RAB3GAP2: variants seen among roughly 807,000 people sequenced by gnomAD.
RAB3GAP2 encodes the protein RAB3 GTPase activating non-catalytic protein subunit 2, also known as rab3 GTPase-activating protein non-catalytic subunit.
A neutral mutation model predicts 185.3 loss-of-function variants in RAB3GAP2; 87 were observed. That is an observed-to-expected ratio of 0.47 (90% CI 0.39 to 0.56). The LOEUF (loss-of-function observed/expected upper bound fraction) is 0.56. Ranked by LOEUF, RAB3GAP2 falls within the 20% of genes least tolerant of loss-of-function variation. RAB3GAP2 has a pLI of 0.00. For synonymous variants in RAB3GAP2, 554 were observed against 576.1 expected (o/e 0.96, Z 0.55); for missense variants, 1,492 against 1,638.2 (o/e 0.91, Z 1.54).
At chr1:220,243,952 C>A (rs577573068) in intron 1 of RAB3GAP2, among the ~76,000 whole-genome samples, 1 of 152,306 alleles carries the variant, frequency 6.6e-6, no homozygotes, top group Admixed American at 6.5e-5. Flanking sequence ...GACAAACCCA[C>A]AGCCAACATC....
At position 220,195,175 on chromosome 1, in the gene RAB3GAP2, G is replaced by T; in HGVS notation, c.1041-8C>A. Reference sequence around the variant, plus strand: ...TTCCAACCAAGCCAACCACTGAAAAGAAAGAAAACTTAGAATATAAAACTG... The same window carrying T: ...TTCCAACCAAGCCAACCACTGAAAATAAAGAAAACTTAGAATATAAAACTG... On this transcript the variant is annotated splice_region_variant and splice_polypyrimidine_tract_variant and intron_variant, in intron 11 of 34. Transcript: ENST00000358951. The T allele has an allele frequency of 6.2e-7, 1 of 1,613,918 alleles. No individual in the cohort carries two copies. Among genetic ancestry groups the T allele is most frequent in the Non-Finnish European group, 8.5e-7 (1 of 1,179,854 alleles).
chr1:220,259,859 CAG>C (rs1660102062), intron 1 of RAB3GAP2, among the ~76,000 whole-genome samples: 1 of 152,052 alleles, frequency 6.6e-6, no homozygotes, highest in African/African-American at 2.4e-5. Flanking sequence ...TCTAATTATC[CAG>C]AGTCTACAAG....
chr1:220,174,828 A>C (rs1245957105), intron 21 of RAB3GAP2, among the ~76,000 whole-genome samples: 2 of 152,120 alleles, frequency 1.3e-5, no homozygotes, highest in African/African-American at 4.8e-5. Context: ...CAACAATGGG[A>C]TCATAATTAC....
chr1:220,212,277 A>C, intron 4 of RAB3GAP2, among the ~76,000 whole-genome samples: 1 of 152,208 alleles, frequency 6.6e-6, no homozygotes, highest in East Asian at 1.9e-4. Flanking sequence ...TCAATGAATA[A>C]AATTAGTAAT....
intron 12 of RAB3GAP2, 22 bp downstream of exon 12, chr1:220,195,056 T>A (rs1186173441): frequency 6.2e-7 from 1 of 1,608,628 alleles, no homozygotes; most frequent in Non-Finnish European, 8.5e-7. Flanking sequence ...GGACTAAAAT[T>A]TGGGAAGCAT....
At chr1:220,171,155 G>T in intron 23 of RAB3GAP2, 35 bp from the exon 24 acceptor site, 1 of 1,573,780 alleles carries the variant, frequency 6.4e-7, no homozygotes, top group Non-Finnish European at 8.7e-7. Flanking sequence ...CTTTGCCAAA[G>T]ATTCTGAATC....
chr1:220,247,966 AAG>A (rs1659850337), intron 1 of RAB3GAP2, among the ~76,000 whole-genome samples: 1 of 152,044 alleles, frequency 6.6e-6, no homozygotes, highest in African/African-American at 2.4e-5. Context: ...AGACTTGATA[AAG>A]AGAAGTAAAT....
At chr1:220,263,300 T>C (rs1660174185) in intron 1 of RAB3GAP2, among the ~76,000 whole-genome samples, 1 of 152,110 alleles carries the variant, frequency 6.6e-6, no homozygotes, top group Admixed American at 6.5e-5. Flanking sequence ...TTTTTAAGCT[T>C]AGTGTAGCCC....
At position 220,189,981 on chromosome 1, in the gene RAB3GAP2, T is replaced by C. The variant is rs984110768; in HGVS notation, c.1714+83A>G. On this transcript the variant is annotated intron_variant, in intron 16 of 34. Coordinates refer to ENST00000358951, the MANE Select transcript of RAB3GAP2 (RefSeq NM_012414.4). ...CCAATAAGCTCATCCATGCATTATT[T>C]TGATTGCTCCATTCAGAATATTTTA... 1.9e-5 allele frequency: 23 copies of C among 1,242,648 alleles called. No homozygotes were observed. The Admixed American group carries it at 3.6e-4, about 20-fold the overall frequency. 77.0% of individuals were successfully genotyped at this position (1,242,648 alleles called of 1,614,324 possible).
chr1:220,171,265 G>T, intron 23 of RAB3GAP2, 145 bp from the exon 24 acceptor site: 3 of 791,482 alleles, frequency 3.8e-6, no homozygotes, highest in South Asian at 1.5e-5. Flanking sequence ...TTACTACTTG[G>T]CTGGATGAAA....
intron 22 of RAB3GAP2, among the ~76,000 whole-genome samples, chr1:220,172,358 A>G (rs1213757095): frequency 6.6e-6 from 1 of 152,214 alleles, no homozygotes; most frequent in Non-Finnish European, 1.5e-5. Flanking sequence ...CAAGAAAAAC[A>G]TTGCCTTCCC....
At chr1:220,200,191 C>A (rs1351231121) in intron 9 of RAB3GAP2, among the ~76,000 whole-genome samples, 1 of 152,164 alleles carries the variant, frequency 6.6e-6, no homozygotes, top group Non-Finnish European at 1.5e-5. Flanking sequence ...TGCTCCTCTA[C>A]CTAGAATGCT....
intron 1 of RAB3GAP2, among the ~76,000 whole-genome samples, chr1:220,240,140 T>C (rs2102895805): frequency 6.6e-6 from 1 of 152,286 alleles, no homozygotes; most frequent in East Asian, 1.9e-4. Flanking sequence ...TAAAAATAGA[T>C]GATGAGAATG....
intron 4 of RAB3GAP2, chr1:220,211,272 G>A: frequency 1.7e-6 from 1 of 602,010 alleles, no homozygotes; most frequent in Non-Finnish European, 3.1e-6. Context: ...AGTACAGAAA[G>A]CAAAACTTTA....
chr1:220,251,411 G>A (rs1247906094), intron 1 of RAB3GAP2, among the ~76,000 whole-genome samples: 1 of 152,034 alleles, frequency 6.6e-6, no homozygotes, highest in Non-Finnish European at 1.5e-5. Flanking sequence ...TATAAACACA[G>A]GATATGATAA....
rs542199448 is a variant in RAB3GAP2 at position 220,204,395 on chromosome 1, T to C, written c.712+1512A>G. 3.9e-5 allele frequency among the ~76,000 whole-genome samples: 6 copies of C among 152,288 alleles called. No homozygotes were observed. The South Asian group carries it at 1.0e-3, about 26-fold the overall frequency. On this transcript the variant is annotated intron_variant, in intron 8 of 34. Transcript: ENST00000358951. The stretch of plus-strand genomic sequence containing the variant: ...ATTTAAAATACTCATCATTAATCTA[T>C]ATATCAAAAGGCAATTTTCCGTAGG...
intron 17 of RAB3GAP2, 51 bp downstream of exon 17, chr1:220,189,652 A>G (rs765686655): frequency 1.4e-6 from 2 of 1,474,840 alleles, no homozygotes; most frequent in East Asian, 2.4e-5. Context: ...TTTCTTAAGA[A>G]GGATGTATTA....
chr1:220,151,339 A>C lies in RAB3GAP2; in HGVS notation c.4094T>G (p.Ile1365Ser), dbSNP rs772431061. The stretch of plus-strand genomic sequence containing the variant: ...CCCATGTTTTTCTGGTAAAAGCTCA[A>C]TTACTTTATTTACTAGTTTAGCTGT... ...ATTAKLVNKV[I>S]ELLPEKHGQY... The change falls in exon 35 of 35, where the codon ATT (isoleucine) becomes AGT (serine). Residue 1365 changes from isoleucine to serine, a missense_variant. This residue lies in a region of RAB3GAP2 where 387 missense variants were observed against 455.3 expected (regional missense o/e 0.85). Transcript: ENST00000358951. 1 of 1,613,980 alleles carries C rather than the reference A, an allele frequency of 6.2e-7. No individual in the cohort carries two copies. Among genetic ancestry groups the C allele is most frequent in the African/African-American group, 1.3e-5 (1 of 74,908 alleles).
chr1:220,210,688 T>G (rs1659066244), intron 6 of RAB3GAP2, 113 bp downstream of exon 6: 7 of 1,201,432 alleles, frequency 5.8e-6, no homozygotes, highest in Middle Eastern at 1.9e-4. Flanking sequence ...CCATAAAGAA[T>G]CAACTACACA....
Sources: allele counts gnomAD v4.1 joint callset (sites outside exome capture counted in the v4.1 genomes callset), GRCh38; gene constraint gnomAD v4.1.1; regional missense constraint gnomAD v4.1.1; transcripts MANE v1.5; gene names NCBI Gene and HGNC (gene_info 2026-07-23, HGNC 2026-07-21).